RIC3: variants seen among roughly 807,000 people sequenced by gnomAD.
RIC3 encodes the protein RIC3 acetylcholine receptor chaperone, also known as protein RIC-3.
RIC3 carries 28 observed loss-of-function variants against 27.3 expected under a neutral mutation model. The observed-to-expected ratio is 1.02, with a 90% CI of 0.76 to 1.41. The LOEUF (loss-of-function observed/expected upper bound fraction) is 1.41, where lower values mean the gene tolerates loss of function less well. Among genes scored for constraint, RIC3 ranks in the 40% most tolerant of loss-of-function variants. The pLI is 0.00. For missense variants in RIC3, 501 were observed against 444.7 expected (o/e 1.13, Z -1.14); for synonymous variants, 184 against 160.4 (o/e 1.15, Z -1.11).
intron 1 of RIC3, among the ~76,000 whole-genome samples, chr11:8,143,891 A>G (rs981657203): frequency 2.0e-5 from 3 of 152,186 alleles, no homozygotes; most frequent in South Asian, 2.1e-4. Context: ...TACAACGATC[A>G]GACCTTTGAC....
intron 1 of RIC3, among the ~76,000 whole-genome samples, chr11:8,144,043 G>A (rs1949376403): frequency 6.6e-6 from 1 of 152,162 alleles, no homozygotes; most frequent in East Asian, 1.9e-4. Context: ...ATGGATTAAA[G>A]CCTTAAACCT....
At chr11:8,095,972 T>A in the RIC3 span, among the ~76,000 whole-genome samples, 11 of 152,304 alleles carry the variant, frequency 7.2e-5, no homozygotes, top group East Asian at 1.2e-3. Flanking sequence ...AGAGACGGGG[T>A]AGATCCTCCG....
chr11:8,164,550 A>G (rs2134351945), intron 1 of RIC3, among the ~76,000 whole-genome samples: 1 of 152,264 alleles, frequency 6.6e-6, no homozygotes, highest in Non-Finnish European at 1.5e-5. Flanking sequence ...CCAAGGTGGG[A>G]GGATCACTTG....
chr11:8,144,602 C>G (rs1204172327), intron 1 of RIC3, among the ~76,000 whole-genome samples: 1 of 151,878 alleles, frequency 6.6e-6, no homozygotes, highest in East Asian at 1.9e-4. Context: ...CTAGTTCAAC[C>G]ATTGTGGAAG....
chr11:8,147,985 A>T (rs1273019594), intron 1 of RIC3, among the ~76,000 whole-genome samples: 1 of 152,160 alleles, frequency 6.6e-6, no homozygotes, highest in African/African-American at 2.4e-5. Flanking sequence ...TTGGTCTCCC[A>T]AAGTGCTGGG....
chr11:8,099,451 C>A, the RIC3 span, among the ~76,000 whole-genome samples: 1 of 152,154 alleles, frequency 6.6e-6, no homozygotes. Flanking sequence ...TGGAGGCCAT[C>A]AGTAAGTAAT....
At chr11:8,142,023 A>T (rs1414983737) in intron 1 of RIC3, among the ~76,000 whole-genome samples, 2 of 151,054 alleles carry the variant, frequency 1.3e-5, no homozygotes. Flanking sequence ...ACGCATTCAA[A>T]GCAGTGTGTA....
chr11:8,126,364 T>A (rs185949796), intron 5 of RIC3, among the ~76,000 whole-genome samples: 6 of 152,162 alleles, frequency 3.9e-5, no homozygotes, highest in African/African-American at 1.4e-4. Flanking sequence ...ATCACTTACA[T>A]AGAAAAGGCA....
At chr11:8,157,337 T>C (rs1001956087) in intron 1 of RIC3, among the ~76,000 whole-genome samples, 3 of 152,220 alleles carry the variant, frequency 2.0e-5, no homozygotes, top group Admixed American at 6.5e-5. Context: ...GTCCTAGAAT[T>C]TGCCTTACTT....
chr11:8,168,517 C>T (rs149190547), intron 1 of RIC3, among the ~76,000 whole-genome samples: 2,741 of 152,292 alleles, frequency 0.018, 85 homozygotes, highest in African/African-American at 0.061. Context: ...CAACTGGGAA[C>T]CCTTGACTCA....
chr11:8,155,828 G>C (rs769138527), intron 1 of RIC3, among the ~76,000 whole-genome samples: 3 of 152,154 alleles, frequency 2.0e-5, no homozygotes, highest in Non-Finnish European at 4.4e-5. Context: ...AGTTGCTTAA[G>C]ATAGCCAAGC....
rs962504961 is a variant in RIC3 at position 8,163,128 on chromosome 11, A to C, written c.124+5738T>G. Reference sequence around the variant, plus strand: ...TAGCCAAGGAAGGTAAAGCTGGGTTAACATCTAAATTTCAATTAATGTAAT... The same window carrying C: ...TAGCCAAGGAAGGTAAAGCTGGGTTCACATCTAAATTTCAATTAATGTAAT... On this transcript the variant is annotated intron_variant, in intron 1 of 5. Coordinates refer to ENST00000309737, the MANE Select transcript of RIC3 (RefSeq NM_001206671.4). Among the ~76,000 whole-genome samples the C allele has an allele frequency of 4.6e-5, 7 of 152,154 alleles. 1 individual carries two copies. Among genetic ancestry groups the C allele is most frequent in the Admixed American group, 4.6e-4 (7 of 15,288 alleles).
At chr11:8,093,157 T>C in the RIC3 span, among the ~76,000 whole-genome samples, 1 of 151,974 alleles carries the variant, frequency 6.6e-6, no homozygotes, top group Non-Finnish European at 1.5e-5. Flanking sequence ...TGACAACACC[T>C]GCTCTGACGA....
the RIC3 span, among the ~76,000 whole-genome samples, chr11:8,093,013 G>A: frequency 6.6e-6 from 1 of 152,250 alleles, no homozygotes; most frequent in East Asian, 1.9e-4. Flanking sequence ...CTGGATTAGA[G>A]GCTGTAGGTC....
At chr11:8,149,484 G>A (rs1950031568) in intron 1 of RIC3, among the ~76,000 whole-genome samples, 1 of 152,224 alleles carries the variant, frequency 6.6e-6, no homozygotes, top group African/African-American at 2.4e-5. Flanking sequence ...GATGAGAAGG[G>A]TACTTGATGG....
chr11:8,137,597 G>A (rs74891575), intron 3 of RIC3, 126 bp from the exon 4 acceptor site: 6,854 of 569,098 alleles, frequency 0.012, 350 homozygotes, highest in African/African-American at 0.11. Context: ...GAAGAACACC[G>A]CAGTTTTATT....
intron 1 of RIC3, among the ~76,000 whole-genome samples, chr11:8,146,412 C>A (rs1949684216): frequency 6.6e-6 from 1 of 152,108 alleles, no homozygotes. Flanking sequence ...GGAAAGGGAA[C>A]TGGAATGTGG....
At chr11:8,104,831 TGGAAGCCA>T (rs1235440479), downstream of RIC3, 2 of 152,036 alleles carry the variant, frequency 1.3e-5, no homozygotes, top group African/African-American at 4.8e-5. Flanking sequence ...ACACAGGTGT[TGGAAGCCA>T]GGACTGTGAT....
the RIC3 span, chr11:8,100,730 GAA>G: frequency 6.4e-7 from 1 of 1,570,132 alleles, no homozygotes; most frequent in African/African-American, 1.4e-5. Flanking sequence ...GAGGTCTAGG[GAA>G]ATCCAAGGAC....
Sources: gnomAD v4.1 joint callset for allele counts (sites outside exome capture counted in the v4.1 genomes callset) on GRCh38, gnomAD v4.1.1 for gene constraint, MANE v1.5 for transcripts, NCBI Gene and HGNC (gene_info 2026-07-23, HGNC 2026-07-21) for gene names.